The following WNK2 variants were observed in gnomAD, a reference collection of about 807,000 sequenced individuals.
The protein encoded by WNK2 is WNK lysine deficient protein kinase 2.
Under a neutral mutation model 192.1 loss-of-function variants are expected in WNK2, and 67 were observed. That is an observed-to-expected ratio of 0.35 (90% confidence interval 0.29 to 0.43). The LOEUF (loss-of-function observed/expected upper bound fraction) is 0.43. WNK2 is among the 20% of genes least tolerant of loss of function. The pLI is 1.00. For synonymous variants in WNK2, 1,439 were observed against 1,393.9 expected (o/e 1.03, Z -0.72); for missense variants, 2,698 against 3,089.7 (o/e 0.87, Z 3.01).
chr9:93,189,851 C>T (rs10992670), intron 2 of WNK2, among the ~76,000 whole-genome samples: 13,809 of 152,262 alleles, frequency 0.091, 822 homozygotes, highest in Non-Finnish European at 0.13. Flanking sequence ...TCGTTAGAGG[C>T]CCGGCTGCCA....
rs529877987 is a variant in WNK2 at position 93,194,470 on chromosome 9, C to T, written c.681+8860C>T. Among the ~76,000 whole-genome samples the T allele has an allele frequency of 1.2e-4, 19 of 152,262 alleles. 1 individual carries two copies. In the South Asian group the frequency reaches 2.7e-3, roughly 22 times the overall value. On this transcript the variant is annotated intron_variant, in intron 2 of 29. Transcript: ENST00000427277. ...AAGCATATGAAAAGATGTTGCCCAT[C>T]GTAAGTCATCAGGGAATTGCAAATT...
Position 93,289,079 on chromosome 9 carries a change from C to G in WNK2, c.4325C>G (p.Ala1442Gly). The G allele has an allele frequency of 6.2e-7, 1 of 1,607,492 alleles. No homozygotes were observed. The part of the protein sequence containing the change: ...TSQPLAETHE[A>G]PLAVQPLVVG... ...CAGCCACTAGCGGAGACTCACGAGG[C>G]CCCGCTTGCTGTGCAGCCCCTCGTG... is the stretch of plus-strand genomic sequence containing the variant. The change falls in exon 20 of 30, where the codon GCC (alanine) becomes GGC (glycine). Residue 1442 changes from alanine (A) to glycine (G), a missense_variant. This residue lies in a region of WNK2 where 1,098 missense variants were observed against 1,101.0 expected (regional missense o/e 1.00). Coordinates refer to ENST00000427277, the MANE Select transcript of WNK2 (RefSeq NM_006648.4).
chr9:93,261,382 C>G (rs1484435729), intron 12 of WNK2, among the ~76,000 whole-genome samples: 1 of 152,240 alleles, frequency 6.6e-6, no homozygotes, highest in Non-Finnish European at 1.5e-5. Flanking sequence ...CAAGCCTAAG[C>G]CGCAGTCGCC....
rs936155830 is a variant in WNK2 at position 93,257,864 on chromosome 9, C to A, written c.2382+725C>A. Reference sequence around the variant, plus strand: ...GCATGTAACTGGTGCAGAATGTAGCCGGGGCCAGGGCACCATTGCCCAGGT... The same window carrying A: ...GCATGTAACTGGTGCAGAATGTAGCAGGGGCCAGGGCACCATTGCCCAGGT... On this transcript the variant is annotated intron_variant, in intron 11 of 29. Coordinates refer to ENST00000427277, the MANE Select transcript of WNK2 (RefSeq NM_006648.4). This position sits in a 1 kb window ranked among gnomAD's most constrained non-coding sequence, Gnocchi z 4.7. Among the ~76,000 whole-genome samples the A allele has an allele frequency of 6.6e-6, 1 of 152,200 alleles. No individual in the cohort carries two copies.
At position 93,247,610 on chromosome 9, in the gene WNK2, C is replaced by G. The variant is rs1009895513; in HGVS notation, c.1610C>G (p.Ala537Gly). Residue 537 changes from alanine to glycine, a missense_variant, in exon 8 of 30, where the codon GCC becomes GGC. Physicochemically the swap from Ala to Gly is moderately conservative, Grantham distance 60. Coordinates refer to ENST00000427277, the MANE Select transcript of WNK2 (RefSeq NM_006648.4). This position sits in a 1 kb window ranked among gnomAD's most constrained non-coding sequence, Gnocchi z 5.2. ...GCCAAGTCCATCCGTGACCGCGTGG[C>G]CTTGATCCAGTGGCGGCGGGAGAGG... is the stretch of plus-strand genomic sequence containing the variant. ...IVAKSIRDRV[A>G]LIQWRRERIW... 2 of 1,604,648 alleles carry G rather than the reference C, an allele frequency of 1.2e-6. No homozygotes were observed. Among genetic ancestry groups the G allele is most frequent in the Non-Finnish European group, 1.7e-6 (2 of 1,176,118 alleles).
chr9:93,184,760 C>A (rs150429741), intron 1 of WNK2, among the ~76,000 whole-genome samples, 168 bp from the exon 2 acceptor site: 1 of 152,116 alleles, frequency 6.6e-6, no homozygotes, highest in African/African-American at 2.4e-5. Flanking sequence ...CCTCTGGTCC[C>A]GTCTGCAGCC....
intron 1 of WNK2, 154 bp from the exon 2 acceptor site, chr9:93,184,774 C>T: frequency 1.6e-6 from 1 of 617,242 alleles, no homozygotes; most frequent in South Asian, 8.5e-5. Flanking sequence ...TGCAGCCCCC[C>T]TTTCCCAGGG....
In WNK2 at chr9:93,231,041, G is replaced by T. The variant is rs369940502; in HGVS notation, c.1008G>T (p.Gly336=). The change falls in exon 4 of 30, where the codon GGG becomes GGT. Residue 336 remains glycine, a synonymous_variant. Coordinates refer to ENST00000427277, the MANE Select transcript of WNK2 (RefSeq NM_006648.4). ...ATATTTTCATCACCGGACCAACTGG[G>T]TCTGTGAAGATTGGCGACTTGGGCC... ...CDNIFITGPT[G]SVKIGDLGLA... is the part of the protein sequence containing the mutation. 2 of 1,613,800 alleles carry T rather than the reference G, an allele frequency of 1.2e-6. No individual in the cohort carries two copies. The highest frequency in any genetic ancestry group is 1.1e-5 in the South Asian group (1 of 91,068).
In WNK2 at chr9:93,264,769, G is replaced by GC. The variant is rs1355645959; in HGVS notation, c.3696+738dup. ...GTTTAGGGAGCCAGGTCCTAAAGGG[G>GC]CCAGCAGCACACTGGACAGTGTTGT... On this transcript the variant is annotated intron_variant, in intron 16 of 29. Coordinates refer to ENST00000427277, the MANE Select transcript of WNK2 (RefSeq NM_006648.4). Among the ~76,000 whole-genome samples, 4 of 152,340 alleles carry GC rather than the reference G, an allele frequency of 2.6e-5. No individual in the cohort carries two copies. In the East Asian group the frequency reaches 7.7e-4, roughly 29 times the overall value.
chr9:93,274,380 C>T (rs141832298), intron 19 of WNK2, among the ~76,000 whole-genome samples: 8,955 of 152,026 alleles, frequency 0.059, 334 homozygotes, highest in Middle Eastern at 0.1. Flanking sequence ...GGCATGGTGG[C>T]GGGTGCCTGT....
intron 19 of WNK2, among the ~76,000 whole-genome samples, chr9:93,271,896 C>T (rs1846048895): frequency 6.6e-6 from 1 of 152,190 alleles, no homozygotes; most frequent in African/African-American, 2.4e-5. Flanking sequence ...TATGCATTAC[C>T]TAGATTGGAA....
intron 2 of WNK2, among the ~76,000 whole-genome samples, chr9:93,189,976 A>T (rs974547047): frequency 1.3e-5 from 2 of 152,228 alleles, no homozygotes. Context: ...GGGCAAGACA[A>T]TCAGAAGGCT....
rs566402327 is a variant in WNK2 at position 93,289,228 on chromosome 9, G to A, written c.4474G>A (p.Ala1492Thr). The change falls in exon 20 of 30, where the codon GCC becomes ACC. Residue 1492 changes from alanine (A) to threonine (T), a missense_variant. Coordinates refer to ENST00000427277, the MANE Select transcript of WNK2 (RefSeq NM_006648.4). ...PSPHSGTPQP[A>T]LGQPAPLLPA... is the part of the protein sequence containing the mutation. ...CCCCCACAGCGGGACCCCACAGCCC[G>A]CCTTGGGTCAACCTGCTCCCCTGCT... is the stretch of plus-strand genomic sequence containing the variant. 34 of 1,604,930 alleles carry A rather than the reference G, an allele frequency of 2.1e-5. No homozygotes were observed. The highest frequency in any genetic ancestry group is 2.7e-5 in the African/African-American group (2 of 74,970).
intron 23 of WNK2, among the ~76,000 whole-genome samples, chr9:93,295,042 A>G (rs1850003506): frequency 1.3e-5 from 2 of 152,150 alleles, no homozygotes; most frequent in African/African-American, 2.4e-5. Context: ...CATTTCTGCC[A>G]TGAGCGTTGG....
rs777577918 is a variant in WNK2 at position 93,240,539 on chromosome 9, G to A, written c.1542+563G>A. Among the ~76,000 whole-genome samples, 4 of 152,132 alleles carry A rather than the reference G, an allele frequency of 2.6e-5. No individual in the cohort carries two copies. The East Asian group carries it at 5.8e-4, about 22-fold the overall frequency. On this transcript the variant is annotated intron_variant, in intron 7 of 29. Transcript: ENST00000427277. ...GGTTGGGGCTGGCAGCAGAAGTGCC[G>A]CTTTGTGCTGGGGTGTCATCGAGGC...
intron 19 of WNK2, among the ~76,000 whole-genome samples, chr9:93,280,339 A>G (rs1357962741): frequency 6.6e-6 from 1 of 152,248 alleles, no homozygotes; most frequent in Non-Finnish European, 1.5e-5. Flanking sequence ...ACCGTACACT[A>G]TTAAAATAAC....
rs150503334 is a variant in WNK2 at position 93,283,069 on chromosome 9, A to G, written c.4034-5719A>G. Among the ~76,000 whole-genome samples, 155 of 152,354 alleles carry G rather than the reference A, an allele frequency of 1.0e-3. 1 individual carries two copies. Among genetic ancestry groups the G allele is most frequent in the Middle Eastern group, 3.4e-3 (1 of 294 alleles). On this transcript the variant is annotated intron_variant, in intron 19 of 29. Coordinates refer to ENST00000427277, the MANE Select transcript of WNK2 (RefSeq NM_006648.4). The stretch of plus-strand genomic sequence containing the variant: ...CTCATTCGGCAAAGAAGAAATTACA[A>G]TGGAAACTAATAAAACATTCTGAAT...
intron 19 of WNK2, among the ~76,000 whole-genome samples, chr9:93,287,790 G>A (rs1341442345): frequency 1.3e-5 from 2 of 152,092 alleles, no homozygotes; most frequent in Middle Eastern, 3.2e-3. Context: ...GCTGGGCGTG[G>A]GGGCTCACAC....
intron 12 of WNK2, among the ~76,000 whole-genome samples, chr9:93,261,177 G>A (rs1331362346): frequency 6.6e-6 from 1 of 152,164 alleles, no homozygotes; most frequent in African/African-American, 2.4e-5. Flanking sequence ...GGGCCAGCAG[G>A]CCCAGTGAAT....
Sources: allele counts gnomAD v4.1 joint callset (sites outside exome capture counted in the v4.1 genomes callset), GRCh38; gene constraint gnomAD v4.1.1; regional missense constraint gnomAD v4.1.1; non-coding constraint Gnocchi (gnomAD v3.1); transcripts MANE v1.5; gene names NCBI Gene and HGNC (gene_info 2026-07-23, HGNC 2026-07-21).